SLC7A14: variants seen among roughly 807,000 people sequenced by gnomAD.
SLC7A14 encodes the protein gamma-aminobutyric acid transporter SLC7A14.
A neutral mutation model predicts 60.2 loss-of-function variants in SLC7A14; 37 were observed. The ratio of observed to expected loss-of-function variants is 0.61; its 90% CI spans 0.47 to 0.81. SLC7A14 has a LOEUF of 0.81. Among genes scored for constraint, SLC7A14 ranks in the 30% least tolerant of loss-of-function variants. SLC7A14 has a pLI of 0.00. For missense variants in SLC7A14, 886 were observed against 982.7 expected, an observed-to-expected ratio of 0.90 and a Z score of 1.32; for synonymous variants, 399 against 395.8, an observed-to-expected ratio of 1.01 and a Z score of -0.10.
intron 1 of SLC7A14, among the ~76,000 whole-genome samples, chr3:170,573,690 C>A (rs931601949): frequency 6.6e-6 from 1 of 152,206 alleles, no homozygotes; most frequent in Non-Finnish European, 1.5e-5. Flanking sequence ...ACTAGCGAAA[C>A]AGAGAGAACA....
intron 1 of SLC7A14, among the ~76,000 whole-genome samples, chr3:170,551,790 CCTT>C (rs1714360625): frequency 6.6e-6 from 1 of 152,084 alleles, no homozygotes; most frequent in Admixed American, 6.6e-5. Flanking sequence ...GATTCTAAAT[CCTT>C]CTCAGATATA....
intron 1 of SLC7A14, among the ~76,000 whole-genome samples, chr3:170,576,326 C>T (rs1560285674): frequency 6.6e-6 from 1 of 152,212 alleles, no homozygotes; most frequent in Non-Finnish European, 1.5e-5. Flanking sequence ...TACAATGTTT[C>T]TTCAATAAAT....
At chr3:170,505,296 G>A (rs1367334884) in intron 2 of SLC7A14, among the ~76,000 whole-genome samples, 1 of 152,124 alleles carries the variant, frequency 6.6e-6, no homozygotes, top group Non-Finnish European at 1.5e-5. Context: ...CTGCATTTGT[G>A]GCAGTTGTAC....
At chr3:170,488,492 C>T (rs1050242181) in intron 4 of SLC7A14, among the ~76,000 whole-genome samples, 3 of 152,148 alleles carry the variant, frequency 2.0e-5, no homozygotes, top group Non-Finnish European at 4.4e-5. Context: ...CAAGGATGAA[C>T]GGATGCTAGA....
chr3:170,492,464 C>T (rs1260278489), intron 4 of SLC7A14, among the ~76,000 whole-genome samples: 5 of 152,056 alleles, frequency 3.3e-5, no homozygotes, highest in Non-Finnish European at 7.4e-5. Flanking sequence ...GTGATCGCAC[C>T]ACTGCACTCC....
At position 170,564,858 on chromosome 3, in the gene SLC7A14, T is replaced by G. The variant is rs569442872; in HGVS notation, c.-153+21053A>C. Among the ~76,000 whole-genome samples, 32 of 152,340 alleles carry G rather than the reference T, an allele frequency of 2.1e-4. 1 individual carries two copies. The highest frequency in any genetic ancestry group is 7.7e-4 in the African/African-American group (32 of 41,582). ...TGTAACTTGCACTTTCTATAGCACT[T>G]GTTTGGCAACTAAGTCTTTCCTGTC... is the stretch of plus-strand genomic sequence containing the variant. On this transcript the variant is annotated intron_variant, in intron 1 of 7. Transcript: ENST00000231706.
intron 1 of SLC7A14, among the ~76,000 whole-genome samples, chr3:170,538,067 C>G (rs1426946811): frequency 6.6e-6 from 1 of 152,176 alleles, no homozygotes; most frequent in Non-Finnish European, 1.5e-5. Flanking sequence ...CCAATTCTAG[C>G]AGAAGTCTCC....
In SLC7A14 at chr3:170,501,371, G is replaced by C. The variant is rs780210625; in HGVS notation, c.305-26C>G. ...CTGCAAGGGACAGACATACACAGAT[G>C]GTGGACTTCAGGAGATGAGCTGACA... On this transcript the variant is annotated intron_variant, in intron 2 of 7. Coordinates refer to ENST00000231706, the MANE Select transcript of SLC7A14 (RefSeq NM_020949.3). 8.1e-6 allele frequency: 13 copies of C among 1,595,508 alleles called. No individual in the cohort carries two copies. In the South Asian group the frequency reaches 1.4e-4, roughly 18 times the overall value.
intron 2 of SLC7A14, among the ~76,000 whole-genome samples, chr3:170,523,649 C>T (rs952667879): frequency 2.0e-5 from 3 of 152,130 alleles, no homozygotes; most frequent in African/African-American, 7.2e-5. Flanking sequence ...GATAAATGTG[C>T]AGTTGTGGAG....
At chr3:170,513,699 G>T (rs1199271047) in intron 2 of SLC7A14, among the ~76,000 whole-genome samples, 1 of 152,216 alleles carries the variant, frequency 6.6e-6, no homozygotes, top group Non-Finnish European at 1.5e-5. Flanking sequence ...GGCACAGGTT[G>T]TGTCCAGGAC....
In SLC7A14 at chr3:170,501,232, T is replaced by A. The variant is rs778205851; in HGVS notation, c.418A>T (p.Ile140Phe). The A allele has an allele frequency of 3.1e-6, 5 of 1,614,152 alleles. No individual in the cohort carries two copies. The highest frequency in any genetic ancestry group is 4.2e-6 in the Non-Finnish European group (5 of 1,180,024). The stretch of plus-strand genomic sequence containing the variant: ...GCAGTGCCAATCAGGTACTCCAGGA[T>A]CAGGTTCCAGCCAATGAAAAATGCC... ...FVAFFIGWNL[I>F]LEYLIGTAAG... is the part of the protein sequence containing the mutation. Residue 140 changes from isoleucine to phenylalanine, a missense_variant, in exon 3 of 8, where the codon ATC becomes TTC. Ile to Phe is a conservative substitution (Grantham distance 21). Coordinates refer to ENST00000231706, the MANE Select transcript of SLC7A14 (RefSeq NM_020949.3).
intron 2 of SLC7A14, among the ~76,000 whole-genome samples, chr3:170,521,208 CTTGGCAA>C (rs1713331021): frequency 6.6e-6 from 1 of 152,166 alleles, no homozygotes. Flanking sequence ...GTGGGAGGAG[CTTGGCAA>C]GTTGCTATAA....
At chr3:170,499,267 A>AC (rs1712528369) in intron 3 of SLC7A14, among the ~76,000 whole-genome samples, 1 of 120,096 alleles carries the variant, frequency 8.3e-6, no homozygotes, top group Non-Finnish European at 1.7e-5. Flanking sequence ...AAAAAAAAAA[A>AC]GAAGGGCAGT....
chr3:170,492,993 A>C (rs1358346026), intron 4 of SLC7A14, among the ~76,000 whole-genome samples: 1 of 152,210 alleles, frequency 6.6e-6, no homozygotes, highest in African/African-American at 2.4e-5. Context: ...CATGAAAAAC[A>C]ACTTTTCCTT....
At chr3:170,537,871 T>C (rs1311820864) in intron 1 of SLC7A14, among the ~76,000 whole-genome samples, 1 of 152,180 alleles carries the variant, frequency 6.6e-6, no homozygotes, top group Non-Finnish European at 1.5e-5. Flanking sequence ...GCATATAATG[T>C]TATCCCAGGC....
chr3:170,513,824 AATT>A lies in SLC7A14; in HGVS notation c.305-12482_305-12480del, dbSNP rs80141712. 2.5e-3 allele frequency among the ~76,000 whole-genome samples: 386 copies of A among 152,310 alleles called. 2 individuals are homozygous for A. Among genetic ancestry groups the A allele is most frequent in the Middle Eastern group, 0.01 (3 of 294 alleles). ...GTGTTGGCCTTCATCACACCCCAGA[AATT>A]GCCATCTCTAACCCACAAGCTGTCA... On this transcript the variant is annotated intron_variant, in intron 2 of 7. Transcript: ENST00000231706.
chr3:170,492,012 C>A (rs572164748), intron 4 of SLC7A14, among the ~76,000 whole-genome samples: 3 of 152,232 alleles, frequency 2.0e-5, no homozygotes, highest in South Asian at 4.1e-4. Context: ...TTTGAATGAG[C>A]TTTTCTTCCT....
chr3:170,470,308 A>ATGTGTGTGTGTGTGTGTGTGTGTGTGTG (rs60682275), intron 7 of SLC7A14, among the ~76,000 whole-genome samples: 13 of 143,592 alleles, frequency 9.1e-5, no homozygotes, highest in African/African-American at 3.1e-4. Flanking sequence ...TGGAAGGAAC[A>ATGTGTGTGTGTGTGTGTGTGTGTGTGTG]TGTGTGTGTG....
chr3:170,499,236 C>CAA lies in SLC7A14; in HGVS notation c.542-354_542-353dup, dbSNP rs11336080. ...TGGGGGACAGAGTGAGACTCTGTCTCAAAAAAAAAAAAAAAAAAAAAAAAA... is the reference window on the plus strand; with the variant it reads ...TGGGGGACAGAGTGAGACTCTGTCTCAAAAAAAAAAAAAAAAAAAAAAAAAAA... On this transcript the variant is annotated intron_variant, in intron 3 of 7. Transcript: ENST00000231706. Among the ~76,000 whole-genome samples the CAA allele has an allele frequency of 2.4e-3, 146 of 59,902 alleles. 4 individuals are homozygous for CAA. The highest frequency in any genetic ancestry group is 5.7e-3 in the African/African-American group (55 of 9,658). The allele number at this position is 59,902 out of a possible 152,430, so 39.3% of individuals were successfully genotyped here.
Sources: gnomAD v4.1 joint callset for allele counts (sites outside exome capture counted in the v4.1 genomes callset) on GRCh38, gnomAD v4.1.1 for gene constraint, MANE v1.5 for transcripts, NCBI Gene and HGNC (gene_info 2026-07-23, HGNC 2026-07-21) for gene names.